LRRC4B: variants seen among roughly 807,000 people sequenced by gnomAD.
The protein encoded by LRRC4B is leucine-rich repeat-containing protein 4B.
Under a neutral mutation model 7.3 loss-of-function variants are expected in LRRC4B, and 1 was observed. The observed-to-expected ratio is 0.14, with a 90% confidence interval of 0.05 to 0.65. The LOEUF (loss-of-function observed/expected upper bound fraction) is 0.65, where lower values mean the gene tolerates loss of function less well. LRRC4B is among the 30% of genes least tolerant of loss of function. The probability of loss-of-function intolerance (pLI) is 0.84; values close to 1 mark genes in which losing one functional copy is unlikely to be tolerated. For missense variants in LRRC4B, 730 were observed against 1,041.6 expected, an observed-to-expected ratio of 0.70 and a Z score of 4.12; for synonymous variants, 500 against 499.2, an observed-to-expected ratio of 1.00 and a Z score of -0.02.
At chr19:50,543,852 C>CAAAAAAAAA (rs36044151) in intron 2 of LRRC4B, among the ~76,000 whole-genome samples, 6 of 83,260 alleles carry the variant, frequency 7.2e-5, no homozygotes, top group Admixed American at 1.1e-4. Flanking sequence ...GCCTCCATCT[C>CAAAAAAAAA]AAAAAAAAAA....
At chr19:50,562,650 G>T (rs1356020709) in intron 1 of LRRC4B, among the ~76,000 whole-genome samples, 1 of 152,152 alleles carries the variant, frequency 6.6e-6, no homozygotes, top group African/African-American at 2.4e-5. Context: ...CAGCATCTGG[G>T]GGGCACAGTG....
intron 1 of LRRC4B, among the ~76,000 whole-genome samples, chr19:50,562,445 T>C (rs1354563022): frequency 6.6e-6 from 1 of 152,228 alleles, no homozygotes; most frequent in Non-Finnish European, 1.5e-5. Flanking sequence ...TGGCATGCTC[T>C]CAATCAGTTA....
intron 1 of LRRC4B, among the ~76,000 whole-genome samples, chr19:50,552,336 C>T (rs1252221522): frequency 6.6e-6 from 1 of 151,998 alleles, no homozygotes; most frequent in Non-Finnish European, 1.5e-5. Context: ...CCCTGATATA[C>T]CACACCTGAT....
At position 50,568,207 on chromosome 19, in the gene LRRC4B, C is replaced by T. The variant is rs1465104716; in HGVS notation, c.-299G>A. 6.6e-6 allele frequency among the ~76,000 whole-genome samples: 1 copy of T among 151,710 alleles called. No individual in the cohort carries two copies. Among genetic ancestry groups the T allele is most frequent in the African/African-American group, 2.4e-5 (1 of 41,378 alleles). The stretch of plus-strand genomic sequence containing the variant: ...CCCGCCTGCCGTCCGGCCCCGCGCC[C>T]TCGCCCGCCGCCCGCCTTCCTTCTT... On this transcript the variant is annotated 5_prime_UTR_variant, in exon 1 of 3. Transcript: ENST00000652263.
intron 2 of LRRC4B, among the ~76,000 whole-genome samples, chr19:50,544,714 C>T (rs575325767): frequency 6.6e-6 from 1 of 152,064 alleles, no homozygotes; most frequent in East Asian, 1.9e-4. Context: ...GGTATATTTT[C>T]TAGTTTTTCT....
intron 2 of LRRC4B, among the ~76,000 whole-genome samples, chr19:50,544,897 A>G (rs1981731655): frequency 6.6e-6 from 1 of 151,988 alleles, no homozygotes; most frequent in African/African-American, 2.4e-5. Context: ...TTCATAAAAA[A>G]GAAAAAAAAT....
intron 1 of LRRC4B, among the ~76,000 whole-genome samples, chr19:50,562,629 C>T (rs1237839625): frequency 3.3e-5 from 5 of 152,108 alleles, no homozygotes; most frequent in Admixed American, 1.3e-4. Flanking sequence ...GCTCAACTCC[C>T]TGGGCTGGGG....
intron 2 of LRRC4B, among the ~76,000 whole-genome samples, chr19:50,529,563 G>A (rs1354638398): frequency 6.6e-6 from 1 of 152,134 alleles, no homozygotes; most frequent in Admixed American, 6.6e-5. Context: ...CCAGCACTTT[G>A]GGAGGCCGAG....
chr19:50,566,378 A>C, intron 1 of LRRC4B, among the ~76,000 whole-genome samples: 1 of 129,668 alleles, frequency 7.7e-6, no homozygotes, highest in Non-Finnish European at 1.6e-5. Flanking sequence ...GGGGGCGGGG[A>C]GGGGGCCGAG....
intron 2 of LRRC4B, among the ~76,000 whole-genome samples, chr19:50,538,503 G>C (rs1234525135): frequency 6.6e-6 from 1 of 150,744 alleles, no homozygotes; most frequent in Non-Finnish European, 1.5e-5. Context: ...CTTGGTATTT[G>C]CCTTGATAAT....
rs904596422 is a variant in LRRC4B at position 50,556,056 on chromosome 19, A to T, written c.-35-7183T>A. On this transcript the variant is annotated intron_variant, in intron 1 of 2. Coordinates refer to ENST00000652263, the MANE Select transcript of LRRC4B (RefSeq NM_001080457.2). This position sits in a 1 kb window ranked among gnomAD's most constrained non-coding sequence, Gnocchi z 4.2. ...CCAATCCATGTCCTGAATGCTTTCA[A>T]AATAAAAGCAGCCCCACAGCGCCGA... is the stretch of plus-strand genomic sequence containing the variant. Among the ~76,000 whole-genome samples the T allele has an allele frequency of 6.6e-6, 1 of 152,112 alleles. No homozygotes were observed. Among genetic ancestry groups the T allele is most frequent in the African/African-American group, 2.4e-5 (1 of 41,412 alleles).
intron 1 of LRRC4B, among the ~76,000 whole-genome samples, chr19:50,557,439 T>A (rs1982315441): frequency 6.6e-6 from 1 of 152,138 alleles, no homozygotes; most frequent in Non-Finnish European, 1.5e-5. Flanking sequence ...TGTGCCACTT[T>A]GGGCCAGCTG....
chr19:50,524,833 C>A (rs10421715), intron 2 of LRRC4B, among the ~76,000 whole-genome samples: 5,186 of 152,300 alleles, frequency 0.034, 297 homozygotes, highest in African/African-American at 0.12. Context: ...CAGCCAGCAG[C>A]CCCGATGCTG....
In LRRC4B at chr19:50,518,061, T is replaced by C; in HGVS notation, c.1652A>G (p.Lys551Arg). Residue 551 changes from lysine (K) to arginine (R), a missense_variant, in exon 3 of 3, where the codon AAG (lysine) becomes AGG (arginine). Coordinates refer to ENST00000652263, the MANE Select transcript of LRRC4B (RefSeq NM_001080457.2). ...PAPRSSRPTE[K>R]AFTVPITDVT... ...ATCCGTGATGGGCACCGTGAACGCC[T>C]TCTCCGTGGGCCGCGAGGAGCGCGG... 2.5e-6 allele frequency: 4 copies of C among 1,586,814 alleles called. No individual in the cohort carries two copies. The highest frequency in any genetic ancestry group is 3.4e-6 in the Non-Finnish European group (4 of 1,169,396).
rs1220428547 is a variant in LRRC4B, at chr19:50,568,346, C to CA, written c.-439dup. ...GCTCTCCCCCCACCCCACCCCCCCC[C>CA]AGGCCCCGGCCCCGGCCCCGGCCCC... On this transcript the variant is annotated 5_prime_UTR_variant, in exon 1 of 3. Coordinates refer to ENST00000652263, the MANE Select transcript of LRRC4B (RefSeq NM_001080457.2). Among the ~76,000 whole-genome samples the CA allele has an allele frequency of 8.1e-5, 11 of 135,014 alleles. No homozygotes were observed. Among genetic ancestry groups the CA allele is most frequent in the African/African-American group, 2.5e-4 (9 of 35,888 alleles). 88.6% of individuals were successfully genotyped at this position (135,014 alleles called of 152,430 possible).
rs771512383 is a variant in LRRC4B, at chr19:50,517,781, C to T, written c.1932G>A (p.Val644=). 5.9e-6 allele frequency: 9 copies of T among 1,527,666 alleles called. No homozygotes were observed. Among genetic ancestry groups the T allele is most frequent in the Admixed American group, 2.2e-5 (1 of 44,830 alleles). 94.6% of individuals were successfully genotyped at this position (1,527,666 alleles called of 1,614,324 possible). A position where few individuals can be genotyped will look rare whatever the true frequency, so the allele number is the denominator to read the frequency against. The change falls in exon 3 of 3, where the codon GTG becomes GTA. Residue 644 remains valine, a synonymous_variant. Coordinates refer to ENST00000652263, the MANE Select transcript of LRRC4B (RefSeq NM_001080457.2). This position sits in a 1 kb window ranked among gnomAD's most constrained non-coding sequence, Gnocchi z 6.6. ...GCAGGGCCAGGTGGCTGTCCCCGCC[C>T]ACACCACCCCCACTGGCCACGGCGG... ...AAAAVASGGG[V]GGDSHLALPA...
chr19:50,526,900 A>G (rs1380074239), intron 2 of LRRC4B, among the ~76,000 whole-genome samples: 3 of 144,858 alleles, frequency 2.1e-5, no homozygotes, highest in African/African-American at 7.6e-5. Context: ...GTTGCCCAGG[A>G]TGGAGTGCAG....
chr19:50,523,576 A>G (rs1467933189), intron 2 of LRRC4B, among the ~76,000 whole-genome samples: 18 of 151,376 alleles, frequency 1.2e-4, no homozygotes, highest in Admixed American at 7.9e-4. Context: ...TACTCGGGAG[A>G]CTGAGGCAAG....
rs375683415 is a variant in LRRC4B at position 50,563,158 on chromosome 19, G to A, written c.-36+4786C>T. Among the ~76,000 whole-genome samples, 30 of 152,070 alleles carry A rather than the reference G, an allele frequency of 2.0e-4. No homozygotes were observed. The South Asian group carries it at 3.5e-3, about 18-fold the overall frequency. On this transcript the variant is annotated intron_variant, in intron 1 of 2. Coordinates refer to ENST00000652263, the MANE Select transcript of LRRC4B (RefSeq NM_001080457.2). The surrounding 1 kb of genome is among the most constrained non-coding windows in gnomAD (Gnocchi z 4.9). ...TCCCCTGGGCTCCCGCCTGCCTCCCGCAGTGAGCCCCCATCAGCCCCTCTC... is the reference window on the plus strand; with the variant it reads ...TCCCCTGGGCTCCCGCCTGCCTCCCACAGTGAGCCCCCATCAGCCCCTCTC...
Sources: gnomAD v4.1 joint callset for allele counts (sites outside exome capture counted in the v4.1 genomes callset) on GRCh38, gnomAD v4.1.1 for gene constraint, Gnocchi (gnomAD v3.1) non-coding constraint, MANE v1.5 for transcripts, NCBI Gene and HGNC (gene_info 2026-07-23, HGNC 2026-07-21) for gene names.